Variants in SPEF2 observed in about 807,000 individuals in gnomAD.
SPEF2 encodes the protein sperm flagellar and cilia associated 2.
In SPEF2, 187 loss-of-function variants were observed where a neutral mutation model predicts 224.6. The ratio of observed to expected loss-of-function variants is 0.83; its 90% CI spans 0.74 to 0.94. SPEF2 has a LOEUF of 0.94. Ranked by LOEUF, SPEF2 falls within the 40% of genes least tolerant of loss-of-function variation. The pLI is 0.00. For missense variants in SPEF2, 2,170 were observed against 2,135.6 expected, an observed-to-expected ratio of 1.02 and a Z score of -0.32; for synonymous variants, 715 against 707.3, an observed-to-expected ratio of 1.01 and a Z score of -0.17.
intron 19 of SPEF2, chr5:35,709,575 A>G (rs1740687217): frequency 1.0e-6 from 1 of 986,432 alleles, no homozygotes; most frequent in African/African-American, 1.7e-5. Flanking sequence ...TTTATATGTA[A>G]TTGTAAATCT....
intron 10 of SPEF2, among the ~76,000 whole-genome samples, chr5:35,683,725 T>A (rs1310453002): frequency 6.6e-6 from 1 of 152,216 alleles, no homozygotes; most frequent in African/African-American, 2.4e-5. Flanking sequence ...ATGATCTCTG[T>A]GTGTAAGCAG....
chr5:35,702,395 A>C, intron 16 of SPEF2: 2 of 442,484 alleles, frequency 4.5e-6, no homozygotes, highest in South Asian at 3.2e-5. Context: ...TTGTGAGAGT[A>C]AAAGGCTGCA....
chr5:35,618,922 A>C (rs1743065887), intron 1 of SPEF2, among the ~76,000 whole-genome samples: 1 of 150,776 alleles, frequency 6.6e-6, no homozygotes, highest in South Asian at 2.1e-4. Context: ...AAGTCATTTC[A>C]GTCCATTTTC....
chr5:35,735,852 C>T (rs937515514), intron 21 of SPEF2, among the ~76,000 whole-genome samples: 3 of 152,186 alleles, frequency 2.0e-5, no homozygotes, highest in African/African-American at 7.2e-5. Flanking sequence ...GGAGAAATAA[C>T]TCATCATCAC....
At chr5:35,811,509 C>A (rs756198310) in intron 36 of SPEF2, among the ~76,000 whole-genome samples, 1 of 152,020 alleles carries the variant, frequency 6.6e-6, no homozygotes, top group Non-Finnish European at 1.5e-5. Flanking sequence ...TGGAGCTGCA[C>A]TGACTGGGTT....
rs375939552 is a variant in SPEF2, at chr5:35,727,397, A to T, written c.2915-278A>T. On this transcript the variant is annotated intron_variant, in intron 20 of 36. Coordinates refer to ENST00000356031, the MANE Select transcript of SPEF2 (RefSeq NM_024867.4). Reference sequence around the variant, plus strand: ...CTAGAGTCTAAACTTTATAAAAGTCACATGTTCATTCTGAAAGCAAGGACA... The same window carrying T: ...CTAGAGTCTAAACTTTATAAAAGTCTCATGTTCATTCTGAAAGCAAGGACA... Among the ~76,000 whole-genome samples the T allele has an allele frequency of 1.3e-5, 2 of 152,218 alleles. 1 individual carries two copies. The highest frequency in any genetic ancestry group is 4.1e-4 in the South Asian group (2 of 4,824).
intron 12 of SPEF2, among the ~76,000 whole-genome samples, chr5:35,693,678 A>G (rs1754859462): frequency 2.0e-5 from 3 of 152,200 alleles, no homozygotes; most frequent in Middle Eastern, 6.8e-3. Context: ...AAGTTTCCAG[A>G]TTGTAAGTCC....
At chr5:35,798,438 C>T (rs992921896) in intron 33 of SPEF2, among the ~76,000 whole-genome samples, 1 of 152,144 alleles carries the variant, frequency 6.6e-6, no homozygotes, top group Non-Finnish European at 1.5e-5. Context: ...TCATGCTCTT[C>T]CCCTGGATGT....
chr5:35,630,824 A>G lies in SPEF2; in HGVS notation c.161+2262A>G, dbSNP rs555688638. 4.6e-5 allele frequency among the ~76,000 whole-genome samples: 7 copies of G among 152,364 alleles called. No homozygotes were observed. In the South Asian group the frequency reaches 1.4e-3, roughly 32 times the overall value. On this transcript the variant is annotated intron_variant, in intron 2 of 36. Transcript: ENST00000356031. ...AGTCTTTTTGCTAAAGCATAGCAAAATCACCTTTATTCCAGTTCCAAACAA... is the reference window on the plus strand; with the variant it reads ...AGTCTTTTTGCTAAAGCATAGCAAAGTCACCTTTATTCCAGTTCCAAACAA...
At chr5:35,766,746 CT>C in intron 26 of SPEF2, among the ~76,000 whole-genome samples, 1 of 151,816 alleles carries the variant, frequency 6.6e-6, no homozygotes, top group East Asian at 1.9e-4. Context: ...AGTATCCAAT[CT>C]TTTTTTTCTA....
At chr5:35,720,385 A>T (rs995744073) in intron 20 of SPEF2, among the ~76,000 whole-genome samples, 3 of 152,156 alleles carry the variant, frequency 2.0e-5, no homozygotes, top group East Asian at 1.9e-4. Flanking sequence ...GCTTCACTTG[A>T]TATTTATGAA....
intron 12 of SPEF2, among the ~76,000 whole-genome samples, chr5:35,693,899 G>A (rs1333166072): frequency 1.3e-5 from 2 of 152,086 alleles, no homozygotes; most frequent in Non-Finnish European, 2.9e-5. Context: ...AATAGATAAT[G>A]TACATTTAAA....
intron 23 of SPEF2, among the ~76,000 whole-genome samples, chr5:35,746,412 C>A (rs1223349133): frequency 1.3e-5 from 2 of 151,874 alleles, no homozygotes; most frequent in African/African-American, 4.8e-5. Context: ...GCAAGGAAAT[C>A]CAAAAAATGA....
At chr5:35,798,882 C>A (rs1757038621) in intron 33 of SPEF2, among the ~76,000 whole-genome samples, 1 of 152,168 alleles carries the variant, frequency 6.6e-6, no homozygotes, top group African/African-American at 2.4e-5. Context: ...CAGACATGAG[C>A]CACCACGCCT....
At chr5:35,664,665 C>G (rs190053088) in intron 8 of SPEF2, among the ~76,000 whole-genome samples, 189 of 143,358 alleles carry the variant, frequency 1.3e-3, no homozygotes, top group African/African-American at 4.8e-3. Flanking sequence ...TGGATGACAG[C>G]AAGACTCCAT....
chr5:35,655,310 G>T (rs1192032732), intron 7 of SPEF2, among the ~76,000 whole-genome samples: 1 of 152,194 alleles, frequency 6.6e-6, no homozygotes, highest in South Asian at 2.1e-4. Flanking sequence ...CGCCACTGCA[G>T]CTTGAGAATC....
Position 35,800,127 on chromosome 5 carries a change from T to G in SPEF2, c.4990T>G (p.Ser1664Ala). The change falls in exon 34 of 37, where the codon TCC becomes GCC. Residue 1664 changes from serine to alanine, a missense_variant. Transcript: ENST00000356031. ...TCATGTCTTCCAACAAGTCAAAGCT[T>G]CCATTCCAAGTGCAGAAAAGGTAAT... ...GTHVFQQVKA[S>A]IPSAEKTSST... is the part of the protein sequence containing the mutation. 1.2e-6 allele frequency: 2 copies of G among 1,614,086 alleles called. No individual in the cohort carries two copies. The highest frequency in any genetic ancestry group is 1.7e-6 in the Non-Finnish European group (2 of 1,180,014).
At chr5:35,773,741 C>T in intron 27 of SPEF2, 152 bp from the exon 28 acceptor site, 1 of 854,080 alleles carries the variant, frequency 1.2e-6, no homozygotes, top group Non-Finnish European at 1.6e-6. Context: ...AATATTTCAT[C>T]ACAGATGCTG....
chr5:35,807,827 T>A (rs914968818), intron 36 of SPEF2: 21 of 1,527,638 alleles, frequency 1.4e-5, no homozygotes, highest in Non-Finnish European at 1.1e-5. Context: ...GGACCACACA[T>A]GCTAAATGTG....
Sources: gnomAD v4.1 joint callset for allele counts (sites outside exome capture counted in the v4.1 genomes callset) on GRCh38, gnomAD v4.1.1 for gene constraint, MANE v1.5 for transcripts, NCBI Gene and HGNC (gene_info 2026-07-23, HGNC 2026-07-21) for gene names.